The following DCLRE1C variants were observed in gnomAD, a reference collection of about 807,000 sequenced individuals.
DCLRE1C encodes the protein DNA cross-link repair 1C.
A neutral mutation model predicts 61.4 loss-of-function variants in DCLRE1C; 47 were observed. That is an observed-to-expected ratio of 0.77 (90% CI 0.61 to 0.98). The LOEUF is 0.98. Ranked by LOEUF, DCLRE1C falls within the 50% of genes least tolerant of loss-of-function variation. DCLRE1C has a pLI of 0.00. For missense variants in DCLRE1C, 858 were observed against 816.0 expected (o/e 1.05, Z -0.63); for synonymous variants, 337 against 287.6 (o/e 1.17, Z -1.74).
chr10:14,950,368 A>C (rs1564486532), intron 1 of DCLRE1C, among the ~76,000 whole-genome samples: 2 of 151,636 alleles, frequency 1.3e-5, no homozygotes, highest in African/African-American at 4.8e-5. Flanking sequence ...AAAAAAAAAA[A>C]AAAAAAAACA....
At chr10:14,900,349 G>C (rs908926264), downstream of DCLRE1C, among the ~76,000 whole-genome samples, 32 of 152,226 alleles carry the variant, frequency 2.1e-4, no homozygotes, top group Admixed American at 3.9e-4. Flanking sequence ...GACATTATCT[G>C]CATTTTGTGG....
chr10:14,936,339 T>A (rs893697536), intron 5 of DCLRE1C, among the ~76,000 whole-genome samples, 199 bp downstream of exon 5: 1 of 149,676 alleles, frequency 6.7e-6, no homozygotes, highest in African/African-American at 2.4e-5. Flanking sequence ...TTTTTTTTTT[T>A]TTTTAAAAAA....
chr10:14,945,700 C>T (rs1384702027), intron 2 of DCLRE1C: 1 of 613,582 alleles, frequency 1.6e-6, no homozygotes, highest in African/African-American at 2.2e-5. Flanking sequence ...GCTCTGTTAC[C>T]CAGGCTGGAG....
At chr10:14,929,207 C>G (rs1246787409) in intron 9 of DCLRE1C, among the ~76,000 whole-genome samples, 1 of 152,074 alleles carries the variant, frequency 6.6e-6, no homozygotes, top group Non-Finnish European at 1.5e-5. Flanking sequence ...GAGTCCAAGA[C>G]CAGTCTGACC....
chr10:14,930,277 C>CTT (rs1564425216), intron 9 of DCLRE1C, among the ~76,000 whole-genome samples: 1 of 127,432 alleles, frequency 7.8e-6, no homozygotes, highest in African/African-American at 3.2e-5. Flanking sequence ...ACACTCAGCA[C>CTT]CTTTTTTTTT....
At chr10:14,941,466 T>C (rs1840846504) in intron 3 of DCLRE1C, among the ~76,000 whole-genome samples, 1 of 152,176 alleles carries the variant, frequency 6.6e-6, no homozygotes, top group Non-Finnish European at 1.5e-5. Context: ...TAAGGTTTTT[T>C]TGTAGACATG....
chr10:14,919,069 A>G (rs1836670956), intron 13 of DCLRE1C, among the ~76,000 whole-genome samples: 1 of 152,124 alleles, frequency 6.6e-6, no homozygotes, highest in Non-Finnish European at 1.5e-5. Context: ...AAATAGTATC[A>G]TCATTATCTC....
intron 2 of DCLRE1C, chr10:14,945,456 C>T (rs1841528296): frequency 8.5e-7 from 1 of 1,179,190 alleles, no homozygotes; most frequent in African/African-American, 1.6e-5. Flanking sequence ...ATTTCAGTGC[C>T]ACCAAGAGCA....
intron 13 of DCLRE1C, among the ~76,000 whole-genome samples, chr10:14,910,698 G>T (rs1835108877): frequency 6.6e-6 from 1 of 152,194 alleles, no homozygotes; most frequent in African/African-American, 2.4e-5. Flanking sequence ...TTATCAAAAA[G>T]GAGTGTGGAT....
intron 4 of DCLRE1C, among the ~76,000 whole-genome samples, chr10:14,936,824 G>A (rs943348207): frequency 2.2e-4 from 34 of 152,124 alleles, no homozygotes; most frequent in African/African-American, 6.8e-4. Context: ...CAAGATAAGC[G>A]AAAACCGATG....
chr10:14,923,893 C>G (rs1588990066), intron 11 of DCLRE1C, among the ~76,000 whole-genome samples: 1 of 152,168 alleles, frequency 6.6e-6, no homozygotes, highest in Non-Finnish European at 1.5e-5. Context: ...GAGAAAAGAC[C>G]AAGCAAGATC....
rs1834260212 is a variant in DCLRE1C, at chr10:14,904,842, A to G, written c.*3566T>C. On this transcript the variant is annotated 3_prime_UTR_variant, in exon 14 of 14. Coordinates refer to ENST00000378278, the MANE Select transcript of DCLRE1C (RefSeq NM_001033855.3). ...GTAAGACAAATATCAAAGGTAATAGATCCAGTTTAAAAGGTGAATCCACTG... is the reference window on the plus strand; with the variant it reads ...GTAAGACAAATATCAAAGGTAATAGGTCCAGTTTAAAAGGTGAATCCACTG... Among the ~76,000 whole-genome samples the G allele has an allele frequency of 6.6e-6, 1 of 152,212 alleles. No individual in the cohort carries two copies. Among genetic ancestry groups the G allele is most frequent in the Admixed American group, 6.5e-5 (1 of 15,280 alleles).
At chr10:14,936,212 T>C (rs531684015) in intron 5 of DCLRE1C, among the ~76,000 whole-genome samples, 1 of 152,138 alleles carries the variant, frequency 6.6e-6, no homozygotes, top group African/African-American at 2.4e-5. Flanking sequence ...TTCCATTTTA[T>C]AAGAAACGTT....
chr10:14,944,002 T>C (rs12261895), intron 3 of DCLRE1C, among the ~76,000 whole-genome samples: 9,913 of 151,850 alleles, frequency 0.065, 943 homozygotes, highest in African/African-American at 0.22. Context: ...GACTACCTCA[T>C]ATTGGACAGA....
intron 10 of DCLRE1C, 43 bp downstream of exon 10, chr10:14,927,973 A>C: frequency 6.2e-7 from 1 of 1,602,714 alleles, no homozygotes; most frequent in Non-Finnish European, 8.5e-7. Context: ...CAGACAATTT[A>C]CTCAAAGTTT....
At position 14,908,123 on chromosome 10, in the gene DCLRE1C, T is replaced by G. The variant is rs1834608088; in HGVS notation, c.*285A>C. On this transcript the variant is annotated 3_prime_UTR_variant, in exon 14 of 14. Transcript: ENST00000378278. Reference sequence around the variant, plus strand: ...GCAGCCTCAATCTCCTGGGCTCAAGTGATCCTCAAGGGCCTCCAGAGTAGC... The same window carrying G: ...GCAGCCTCAATCTCCTGGGCTCAAGGGATCCTCAAGGGCCTCCAGAGTAGC... The G allele has an allele frequency of 5.7e-6, 2 of 353,586 alleles. No individual in the cohort carries two copies. The allele number at this position is 353,586 out of a possible 1,614,324, so 21.9% of individuals were successfully genotyped here.
chr10:14,919,676 C>T (rs562418974), intron 13 of DCLRE1C, 62 bp downstream of exon 13: 1 of 1,323,630 alleles, frequency 7.6e-7, no homozygotes, highest in East Asian at 2.3e-5. Flanking sequence ...CAGACCCAAG[C>T]TCCCTGGAAA....
rs774627925 is a variant in DCLRE1C, at chr10:14,926,915, C to T, written c.918-18G>A. The T allele has an allele frequency of 1.2e-6, 2 of 1,610,474 alleles. No individual in the cohort carries two copies. Among genetic ancestry groups the T allele is most frequent in the South Asian group, 1.1e-5 (1 of 90,952 alleles). On this transcript the variant is annotated intron_variant, in intron 10 of 13. Transcript: ENST00000378278. ...CTCCAGTCCTAAAGGGAAGTGAAAACACAAAATAAAAAGATCACTGAGCAA... is the reference window on the plus strand; with the variant it reads ...CTCCAGTCCTAAAGGGAAGTGAAAATACAAAATAAAAAGATCACTGAGCAA...
Position 14,953,998 on chromosome 10 carries a change from C to G in DCLRE1C, c.13G>C (p.Glu5Gln), listed in dbSNP as rs749686038. MSSFEGQMAEYPTIS... is the reference protein window; with the variant it reads MSSFQGQMAEYPTIS... ...GTTGGATACTCGGCCATCTGCCCCT[C>G]GAAAGAACTCATAGCGCCGCCGATC... is the stretch of plus-strand genomic sequence containing the variant. Residue 5 changes from glutamate to glutamine, a missense_variant, in exon 1 of 14, where the codon GAG becomes CAG. By Grantham distance (29) the Glu-to-Gln change is conservative. Coordinates refer to ENST00000378278, the MANE Select transcript of DCLRE1C (RefSeq NM_001033855.3). 6.2e-7 allele frequency: 1 copy of G among 1,614,002 alleles called. No homozygotes were observed. Among genetic ancestry groups the G allele is most frequent in the East Asian group, 2.2e-5 (1 of 44,872 alleles).
Sources: allele counts gnomAD v4.1 joint callset (sites outside exome capture counted in the v4.1 genomes callset), GRCh38; gene constraint gnomAD v4.1.1; transcripts MANE v1.5; gene names NCBI Gene and HGNC (gene_info 2026-07-23, HGNC 2026-07-21).